The following AGPS variants were observed in gnomAD, a reference collection of about 807,000 sequenced individuals.
The protein encoded by AGPS is alkylglycerone phosphate synthase.
In AGPS, 26 loss-of-function variants were observed where a neutral mutation model predicts 90.7. The observed-to-expected ratio is 0.29, with a 90% confidence interval of 0.21 to 0.40. The LOEUF (loss-of-function observed/expected upper bound fraction) is 0.40, where lower values mean the gene tolerates loss of function less well. Among genes scored for constraint, AGPS ranks in the 10% least tolerant of loss-of-function variants. AGPS has a pLI of 1.00. For synonymous variants in AGPS, 294 were observed against 285.3 expected (o/e 1.03, Z -0.31); for missense variants, 540 against 816.1 (o/e 0.66, Z 4.12).
chr2:177,443,361 CTGTT>C (rs1265673540), intron 7 of AGPS, among the ~76,000 whole-genome samples: 3 of 152,110 alleles, frequency 2.0e-5, no homozygotes, highest in Admixed American at 1.3e-4. Context: ...ATCTTACTCC[CTGTT>C]TTTTTCTTTT....
At chr2:177,483,838 A>G (rs113007460) in intron 11 of AGPS, among the ~76,000 whole-genome samples, 1 of 152,188 alleles carries the variant, frequency 6.6e-6, no homozygotes, top group African/African-American at 2.4e-5. Context: ...CTGAGCACTG[A>G]GTGGTGACAT....
At position 177,526,823 on chromosome 2, in the gene AGPS, A is replaced by T. The variant is rs546777715; in HGVS notation, c.1855+3018A>T. On this transcript the variant is annotated intron_variant, in intron 19 of 19. Transcript: ENST00000264167. ...GAAAGGGGATAGAATAAAGGAAAAG[A>T]ATTAACATTTATAAAGCTGTGAATA... 1.3e-4 allele frequency among the ~76,000 whole-genome samples: 20 copies of T among 152,342 alleles called. No homozygotes were observed. The East Asian group carries it at 3.1e-3, about 24-fold the overall frequency.
rs532642574 is a variant in AGPS at position 177,450,908 on chromosome 2, G to A, written c.870+5282G>A. Among the ~76,000 whole-genome samples, 381 of 130,830 alleles carry A rather than the reference G, an allele frequency of 2.9e-3. 3 individuals are homozygous for A. Among genetic ancestry groups the A allele is most frequent in the South Asian group, 3.8e-3 (16 of 4,198 alleles). The allele number at this position is 130,830 out of a possible 152,430, so 85.8% of individuals were successfully genotyped here. A position where few individuals can be genotyped will look rare whatever the true frequency, so the allele number is the denominator to read the frequency against. On this transcript the variant is annotated intron_variant, in intron 8 of 19. Coordinates refer to ENST00000264167, the MANE Select transcript of AGPS (RefSeq NM_003659.4). The stretch of plus-strand genomic sequence containing the variant: ...GAACATGGTATATCTTTAGTTTTTT[G>A]TAGGTCTGTAATTTCTCTCAGCAGT...
At chr2:177,448,781 A>T (rs561587024) in intron 8 of AGPS, among the ~76,000 whole-genome samples, 15 of 152,240 alleles carry the variant, frequency 9.9e-5, no homozygotes, top group Non-Finnish European at 1.9e-4. Flanking sequence ...GATAATGAAC[A>T]TATCCACCAA....
chr2:177,479,613 A>G (rs1335025869), intron 10 of AGPS, among the ~76,000 whole-genome samples: 1 of 152,254 alleles, frequency 6.6e-6, no homozygotes, highest in African/African-American at 2.4e-5. Flanking sequence ...ATATTAATAC[A>G]TGCTATAGCA....
In AGPS at chr2:177,466,169, G is replaced by T. The variant is rs539651856; in HGVS notation, c.997-2247G>T. On this transcript the variant is annotated intron_variant, in intron 9 of 19. Coordinates refer to ENST00000264167, the MANE Select transcript of AGPS (RefSeq NM_003659.4). ...AGTGTTTAGCCCTCAGGAGAGAGGA[G>T]ACACACAGTGGGTAGCTCCTCTCCA... is the stretch of plus-strand genomic sequence containing the variant. Among the ~76,000 whole-genome samples, 4 of 152,130 alleles carry T rather than the reference G, an allele frequency of 2.6e-5. No individual in the cohort carries two copies. In the South Asian group the frequency reaches 8.3e-4, roughly 32 times the overall value.
intron 10 of AGPS, among the ~76,000 whole-genome samples, chr2:177,480,071 C>T (rs1390310224): frequency 6.6e-6 from 1 of 152,026 alleles, no homozygotes; most frequent in African/African-American, 2.4e-5. Flanking sequence ...TCCAGCTACT[C>T]AGGAGGCTGA....
chr2:177,483,158 C>A (rs1687995339), intron 11 of AGPS, among the ~76,000 whole-genome samples: 1 of 152,112 alleles, frequency 6.6e-6, no homozygotes, highest in African/African-American at 2.4e-5. Context: ...CTATGTTTAT[C>A]TTGGAATTTG....
chr2:177,513,270 T>C (rs2105726023), intron 16 of AGPS, among the ~76,000 whole-genome samples: 1 of 151,694 alleles, frequency 6.6e-6, no homozygotes, highest in African/African-American at 2.4e-5. Flanking sequence ...AATTTTTTAA[T>C]ATTTTGTAGA....
intron 2 of AGPS, among the ~76,000 whole-genome samples, chr2:177,427,651 G>A (rs777312403): frequency 1.3e-5 from 2 of 152,120 alleles, no homozygotes; most frequent in African/African-American, 4.8e-5. Flanking sequence ...GGTTTTGGGT[G>A]ATTTTTTTAG....
chr2:177,521,509 T>C (rs941268887), intron 18 of AGPS, 141 bp downstream of exon 18: 3 of 760,080 alleles, frequency 3.9e-6, no homozygotes, highest in Non-Finnish European at 6.8e-6. Context: ...ATGAAAAGCA[T>C]ATTTGTTTCC....
At chr2:177,445,724 CTA>C (rs1686749818) in intron 8 of AGPS, 98 bp downstream of exon 8, 3 of 796,638 alleles carry the variant, frequency 3.8e-6, no homozygotes, top group East Asian at 5.5e-5. Flanking sequence ...TGTATCCCCT[CTA>C]TGAATGAAAT....
chr2:177,517,470 T>G (rs1689053034), intron 17 of AGPS, among the ~76,000 whole-genome samples: 2 of 152,186 alleles, frequency 1.3e-5, no homozygotes, highest in South Asian at 4.1e-4. Context: ...TTTTTAATTC[T>G]CATATCTCAT....
At chr2:177,420,965 T>C (rs898427627) in intron 2 of AGPS, among the ~76,000 whole-genome samples, 4 of 151,902 alleles carry the variant, frequency 2.6e-5, no homozygotes, top group African/African-American at 9.7e-5. Flanking sequence ...GTCTTAAATG[T>C]GGTTATTTGT....
intron 10 of AGPS, among the ~76,000 whole-genome samples, chr2:177,478,086 G>A (rs768853738): frequency 6.6e-6 from 1 of 152,056 alleles, no homozygotes; most frequent in Admixed American, 6.6e-5. Flanking sequence ...TCTTTATTTT[G>A]TTTTCATTTT....
At chr2:177,465,533 C>T (rs1687420655) in intron 9 of AGPS, among the ~76,000 whole-genome samples, 1 of 152,152 alleles carries the variant, frequency 6.6e-6, no homozygotes, top group Non-Finnish European at 1.5e-5. Context: ...AACGGCGAGC[C>T]AGGCACAGAG....
chr2:177,430,030 G>A (rs1686193266), intron 2 of AGPS, among the ~76,000 whole-genome samples: 1 of 152,220 alleles, frequency 6.6e-6, no homozygotes, highest in South Asian at 2.1e-4. Context: ...CCAATGAGGA[G>A]CAATGGATTG....
intron 5 of AGPS, among the ~76,000 whole-genome samples, chr2:177,439,305 A>C (rs919460779): frequency 3.3e-5 from 5 of 152,204 alleles, no homozygotes; most frequent in Admixed American, 3.3e-4. Flanking sequence ...GGGTAGTGTT[A>C]AGTGCTGTAA....
chr2:177,465,326 A>T (rs1449270930), intron 9 of AGPS, among the ~76,000 whole-genome samples: 3 of 74,422 alleles, frequency 4.0e-5, no homozygotes, highest in Non-Finnish European at 9.8e-5. Flanking sequence ...TTAAATACAT[A>T]TCATTTTGAA....
Sources: gnomAD v4.1 joint callset for allele counts (sites outside exome capture counted in the v4.1 genomes callset) on GRCh38, gnomAD v4.1.1 for gene constraint, MANE v1.5 for transcripts, NCBI Gene and HGNC (gene_info 2026-07-23, HGNC 2026-07-21) for gene names.